Variants in WDFY3 observed in about 807,000 individuals in gnomAD.
WDFY3 encodes WD repeat and FYVE domain-containing protein 3.
A neutral mutation model predicts 409.6 loss-of-function variants in WDFY3; 66 were observed. The ratio of observed to expected loss-of-function variants is 0.16; its 90% CI spans 0.13 to 0.20. The LOEUF is 0.20. Among genes scored for constraint, WDFY3 ranks in the 10% least tolerant of loss-of-function variants. WDFY3 has a pLI of 1.00. For missense variants in WDFY3, 3,031 were observed against 4,298.1 expected (o/e 0.71, Z 8.24); for synonymous variants, 1,521 against 1,537.1 (o/e 0.99, Z 0.25).
chr4:84,900,512 T>C (rs747765401), intron 2 of WDFY3, among the ~76,000 whole-genome samples: 3 of 152,180 alleles, frequency 2.0e-5, no homozygotes, highest in African/African-American at 7.2e-5. Context: ...TGCATCCAGA[T>C]TGTGAATGAA....
At chr4:84,742,337 G>A (rs1159131148) in intron 37 of WDFY3, among the ~76,000 whole-genome samples, 1 of 152,180 alleles carries the variant, frequency 6.6e-6, no homozygotes, top group Non-Finnish European at 1.5e-5. Flanking sequence ...TAGCAGTGAA[G>A]TAACACAGAC....
At chr4:84,917,164 T>C (rs1208942282) in intron 2 of WDFY3, among the ~76,000 whole-genome samples, 2 of 152,312 alleles carry the variant, frequency 1.3e-5, no homozygotes, top group Middle Eastern at 3.4e-3. Context: ...CACTCCTTTG[T>C]GGTAATATTA....
intron 3 of WDFY3, among the ~76,000 whole-genome samples, chr4:84,887,867 C>G (rs1310965811): frequency 6.6e-6 from 1 of 152,088 alleles, no homozygotes; most frequent in Non-Finnish European, 1.5e-5. Flanking sequence ...AAAGATAGTA[C>G]TATTTGTTCT....
chr4:84,771,136 T>A (rs1744614286), intron 30 of WDFY3, among the ~76,000 whole-genome samples: 1 of 150,574 alleles, frequency 6.6e-6, no homozygotes, highest in Admixed American at 6.6e-5. Flanking sequence ...TTTTCCCACC[T>A]TTTTTTGTTT....
intron 44 of WDFY3, among the ~76,000 whole-genome samples, chr4:84,732,781 ATAGACAC>A (rs1453173362): frequency 2.0e-5 from 3 of 152,008 alleles, no homozygotes; most frequent in Non-Finnish European, 2.9e-5. Flanking sequence ...TACTCTGCTG[ATAGACAC>A]TTAAGTTGAT....
At chr4:84,876,350 T>C (rs929540660) in intron 3 of WDFY3, among the ~76,000 whole-genome samples, 7 of 152,232 alleles carry the variant, frequency 4.6e-5, no homozygotes, top group Admixed American at 2.6e-4. Context: ...ACACAGGCTT[T>C]GCAATTAATT....
Position 84,690,037 on chromosome 4 carries a change from G to A in WDFY3, c.9363+469C>T, listed in dbSNP as rs762607452. Among the ~76,000 whole-genome samples, 26 of 152,118 alleles carry A rather than the reference G, an allele frequency of 1.7e-4. No homozygotes were observed. In the East Asian group the frequency reaches 1.9e-3, roughly 11 times the overall value. ...ATGTAATAGACAATCAGAAATACTC[G>A]TTAATTAAATCATCAAGGGCTCTAC... On this transcript the variant is annotated intron_variant, in intron 61 of 67. Coordinates refer to ENST00000295888, the MANE Select transcript of WDFY3 (RefSeq NM_014991.6).
chr4:84,759,466 C>A (rs1742104473), intron 32 of WDFY3, among the ~76,000 whole-genome samples: 1 of 150,914 alleles, frequency 6.6e-6, no homozygotes, highest in Non-Finnish European at 1.5e-5. Context: ...TGTTTGTATC[C>A]TCTTTTATTT....
At chr4:84,903,136 G>C (rs991908165) in intron 2 of WDFY3, among the ~76,000 whole-genome samples, 1 of 152,144 alleles carries the variant, frequency 6.6e-6, no homozygotes, top group Non-Finnish European at 1.5e-5. Context: ...AGAAAAAAGA[G>C]AGTATCAGTA....
At chr4:84,843,337 CT>C (rs1270053427) in intron 5 of WDFY3, among the ~76,000 whole-genome samples, 1 of 152,118 alleles carries the variant, frequency 6.6e-6, no homozygotes, top group Admixed American at 6.6e-5. Context: ...AAAAAAATAA[CT>C]TTTATTTTCA....
intron 17 of WDFY3, among the ~76,000 whole-genome samples, chr4:84,798,603 A>G (rs1749926079): frequency 6.6e-6 from 1 of 152,188 alleles, no homozygotes. Flanking sequence ...TATGTTCTGC[A>G]TCTCACTGAA....
In WDFY3 at chr4:84,726,860, C is replaced by T; in HGVS notation, c.7272+1G>A. 1.9e-6 allele frequency: 3 copies of T among 1,599,462 alleles called. No individual in the cohort carries two copies. Among genetic ancestry groups the T allele is most frequent in the East Asian group, 2.2e-5 (1 of 44,710 alleles). On this transcript the variant is annotated splice_donor_variant, in intron 45 of 67. Coordinates refer to ENST00000295888, the MANE Select transcript of WDFY3 (RefSeq NM_014991.6). LOFTEE classifies it high-confidence loss of function. Reference sequence around the variant, plus strand: ...TTCTTTTACTGTAATTTGTGTTTTACCTTTTGAGGAATATCATCGGGTGTC... The same window carrying T: ...TTCTTTTACTGTAATTTGTGTTTTATCTTTTGAGGAATATCATCGGGTGTC...
intron 13 of WDFY3, among the ~76,000 whole-genome samples, chr4:84,810,591 T>C (rs1752334154): frequency 6.6e-6 from 1 of 152,218 alleles, no homozygotes. Flanking sequence ...CATCCAAATA[T>C]TGGCTGAAAA....
chr4:84,781,203 T>C (rs1294469800), intron 25 of WDFY3, among the ~76,000 whole-genome samples: 3 of 149,620 alleles, frequency 2.0e-5, no homozygotes, highest in Non-Finnish European at 4.4e-5. Context: ...AGAAACACAG[T>C]CCTGGAACTG....
intron 36 of WDFY3, among the ~76,000 whole-genome samples, chr4:84,749,392 T>C (rs1740091552): frequency 6.6e-6 from 1 of 152,208 alleles, no homozygotes; most frequent in Non-Finnish European, 1.5e-5. Flanking sequence ...ATGTTCTTTA[T>C]TAGATAGTAT....
chr4:84,702,240 A>T, intron 56 of WDFY3, 113 bp downstream of exon 56: 1 of 1,164,014 alleles, frequency 8.6e-7, no homozygotes, highest in South Asian at 2.0e-5. Flanking sequence ...AAGAAACTGT[A>T]TCAAATTTTT....
At chr4:84,922,033 A>G (rs183417567) in intron 2 of WDFY3, among the ~76,000 whole-genome samples, 71 of 152,024 alleles carry the variant, frequency 4.7e-4, no homozygotes, top group Middle Eastern at 6.9e-3. Context: ...ATAAAAATAT[A>G]CACATATATA....
At chr4:84,927,551 C>A (rs1330898078) in intron 2 of WDFY3, among the ~76,000 whole-genome samples, 2 of 152,174 alleles carry the variant, frequency 1.3e-5, no homozygotes, top group African/African-American at 4.8e-5. Context: ...ACCCAAATTT[C>A]ACCTTGAATT....
rs202208387 is a variant in WDFY3, at chr4:84,691,703, T to C, written c.9132A>G (p.Pro3044=). 1 of 1,614,152 alleles carries C rather than the reference T, an allele frequency of 6.2e-7. No homozygotes were observed. The highest frequency in any genetic ancestry group is 2.2e-5 in the East Asian group (1 of 44,874). ...CCCAAGCAAAAGTTTTATTCCAGGT[T>C]GGTGGGATAAGAACCTTATTCTGTT... is the stretch of plus-strand genomic sequence containing the variant. The part of the protein sequence containing the change: ...AVEQNKVLIP[P]TWNKTFAWGY... Residue 3044 remains proline (P), a synonymous_variant, in exon 60 of 68, where the codon CCA becomes CCG. Coordinates refer to ENST00000295888, the MANE Select transcript of WDFY3 (RefSeq NM_014991.6).
Sources: allele counts gnomAD v4.1 joint callset (sites outside exome capture counted in the v4.1 genomes callset), GRCh38; gene constraint gnomAD v4.1.1; transcripts MANE v1.5; gene names NCBI Gene and HGNC (gene_info 2026-07-23, HGNC 2026-07-21).